ABLIM1: variants seen among roughly 807,000 people sequenced by gnomAD.
ABLIM1 encodes actin-binding LIM protein 1.
A neutral mutation model predicts 107.0 loss-of-function variants in ABLIM1; 40 were observed. The observed-to-expected ratio is 0.37, with a 90% CI of 0.29 to 0.49. The LOEUF (loss-of-function observed/expected upper bound fraction) is 0.49. Ranked by LOEUF, ABLIM1 falls within the 20% of genes least tolerant of loss-of-function variation. The pLI is 0.97. For synonymous variants in ABLIM1, 357 were observed against 357.3 expected, an observed-to-expected ratio of 1.00 and a Z score of 0.01; for missense variants, 857 against 1,008.5, an observed-to-expected ratio of 0.85 and a Z score of 2.04.
intron 1 of ABLIM1, among the ~76,000 whole-genome samples, chr10:114,680,330 C>CA (rs1201136120): frequency 2.0e-5 from 3 of 152,214 alleles, no homozygotes; most frequent in Non-Finnish European, 4.4e-5. Flanking sequence ...CAAGATTACA[C>CA]AGCTAGTAGG....
chr10:114,473,564 C>T (rs34058565), intron 9 of ABLIM1, among the ~76,000 whole-genome samples: 18,270 of 151,568 alleles, frequency 0.12, 1,418 homozygotes, highest in Middle Eastern at 0.19. Context: ...TATTTAATCC[C>T]CAAATATCTA....
At chr10:114,605,562 C>T (rs2076351954) in intron 1 of ABLIM1, among the ~76,000 whole-genome samples, 1 of 152,190 alleles carries the variant, frequency 6.6e-6, no homozygotes, top group South Asian at 2.1e-4. Flanking sequence ...TTCCACTGTA[C>T]TGACTAGTCA....
At chr10:114,723,622 G>A (rs778466913) in intron 1 of ABLIM1, among the ~76,000 whole-genome samples, 7 of 152,208 alleles carry the variant, frequency 4.6e-5, no homozygotes, top group Non-Finnish European at 7.3e-5. Context: ...CACCTAACAT[G>A]CAGGCAGCTT....
chr10:114,776,334 G>A, the ABLIM1 span, among the ~76,000 whole-genome samples: 1 of 152,144 alleles, frequency 6.6e-6, no homozygotes, highest in Non-Finnish European at 1.5e-5. Flanking sequence ...GTAGTTTTGG[G>A]CCGGGCGTGG....
chr10:114,443,334 T>C (rs970625445), intron 17 of ABLIM1, among the ~76,000 whole-genome samples: 28 of 150,928 alleles, frequency 1.9e-4, no homozygotes, highest in African/African-American at 6.1e-4. Context: ...TTTTTTGAGA[T>C]GGAGTTTCAC....
the ABLIM1 span, among the ~76,000 whole-genome samples, chr10:114,785,509 T>C: frequency 6.6e-6 from 1 of 152,154 alleles, no homozygotes; most frequent in African/African-American, 2.4e-5. Context: ...AGAAAACAAA[T>C]CTGTGATAAG....
intron 2 of ABLIM1, among the ~76,000 whole-genome samples, chr10:114,600,282 T>C (rs1332558743): frequency 6.6e-6 from 1 of 152,192 alleles, no homozygotes. Context: ...GGGTTTATCA[T>C]ACTTACTCAC....
the ABLIM1 span, among the ~76,000 whole-genome samples, chr10:114,783,255 C>A: frequency 4.6e-5 from 7 of 151,496 alleles, no homozygotes; most frequent in Admixed American, 2.6e-4. Context: ...GCCTGGGCAA[C>A]AGAGTGAGAC....
intron 1 of ABLIM1, among the ~76,000 whole-genome samples, chr10:114,607,143 A>G (rs955950469): frequency 1.3e-5 from 2 of 152,144 alleles, no homozygotes; most frequent in African/African-American, 2.4e-5. Context: ...GCTCACTGCA[A>G]TCTCTGCCTC....
intron 1 of ABLIM1, among the ~76,000 whole-genome samples, chr10:114,767,830 G>A (rs1301863772): frequency 1.3e-5 from 2 of 152,166 alleles, no homozygotes; most frequent in Non-Finnish European, 2.9e-5. Flanking sequence ...GCGGGCACAG[G>A]TGAGCGGGGC....
chr10:114,573,980 A>G (rs2072086375), intron 3 of ABLIM1, among the ~76,000 whole-genome samples: 1 of 152,222 alleles, frequency 6.6e-6, no homozygotes, highest in South Asian at 2.1e-4. Context: ...TTAAATTATG[A>G]TTTAAAAAAA....
intron 4 of ABLIM1, among the ~76,000 whole-genome samples, chr10:114,550,949 C>T (rs1472777978): frequency 6.6e-6 from 1 of 152,156 alleles, no homozygotes; most frequent in African/African-American, 2.4e-5. Flanking sequence ...TTCATTTCTA[C>T]AAATGACAAT....
intron 18 of ABLIM1, among the ~76,000 whole-genome samples, 176 bp downstream of exon 18, chr10:114,441,546 C>A (rs574174789): frequency 1.3e-5 from 2 of 152,142 alleles, no homozygotes; most frequent in East Asian, 3.8e-4. Context: ...TCAATAGAAA[C>A]ATTTTATTTT....
intron 22 of ABLIM1, among the ~76,000 whole-genome samples, chr10:114,436,683 G>A (rs1432028274): frequency 5.3e-5 from 8 of 152,164 alleles, no homozygotes; most frequent in African/African-American, 7.2e-5. Flanking sequence ...TCCTTGGAAC[G>A]TTGAGAAGAT....
intron 6 of ABLIM1, among the ~76,000 whole-genome samples, chr10:114,497,631 G>T (rs1405722826): frequency 7.4e-6 from 1 of 135,028 alleles, no homozygotes; most frequent in Non-Finnish European, 1.5e-5. Flanking sequence ...GCAGTAAGCC[G>T]AGATCGCACC....
At chr10:114,575,684 CACCCTGTGATCTCAA>C (rs6144097) in intron 2 of ABLIM1, 85 bp from the exon 3 acceptor site, 287,551 of 1,427,012 alleles carry the variant, frequency 0.2, 32,007 homozygotes, top group African/African-American at 0.44. Flanking sequence ...ACTGGTTGCT[CACCCTGTGATCTCAA>C]TGGTTTGGGG....
In ABLIM1 at chr10:114,629,006, A is replaced by G. The variant is rs1471468109; in HGVS notation, c.245-27045T>C. On this transcript the variant is annotated intron_variant, in intron 1 of 22. Coordinates refer to ENST00000533213, the MANE Select transcript of ABLIM1 (RefSeq NM_002313.7). The surrounding 1 kb of genome is among the most constrained non-coding windows in gnomAD (Gnocchi z 4.0). The stretch of plus-strand genomic sequence containing the variant: ...TTACAGGATACAGCAAGGGTAAGGT[A>G]CCCTTGAAGACATAAGAGAAATAAC... 6.6e-6 allele frequency among the ~76,000 whole-genome samples: 1 copy of G among 152,126 alleles called. No homozygotes were observed. Among genetic ancestry groups the G allele is most frequent in the African/African-American group, 2.4e-5 (1 of 41,424 alleles).
chr10:114,478,656 C>T (rs1328106945), intron 8 of ABLIM1, among the ~76,000 whole-genome samples: 2 of 152,206 alleles, frequency 1.3e-5, no homozygotes, highest in Non-Finnish European at 2.9e-5. Context: ...CTGAGGCCTT[C>T]CCAGCCATGC....
intron 11 of ABLIM1, among the ~76,000 whole-genome samples, chr10:114,467,519 A>G (rs1000886345): frequency 6.6e-6 from 1 of 152,256 alleles, no homozygotes; most frequent in Non-Finnish European, 1.5e-5. Context: ...AAATAAAACA[A>G]CAACAAAACA....
Sources: allele counts gnomAD v4.1 joint callset (sites outside exome capture counted in the v4.1 genomes callset), GRCh38; gene constraint gnomAD v4.1.1; non-coding constraint Gnocchi (gnomAD v3.1); transcripts MANE v1.5; gene names NCBI Gene and HGNC (gene_info 2026-07-23, HGNC 2026-07-21).